STK32B: variants seen among roughly 807,000 people sequenced by gnomAD.
The protein encoded by STK32B is serine/threonine kinase 32B.
STK32B carries 43 observed loss-of-function variants against 52.6 expected under a neutral mutation model. The observed-to-expected ratio is 0.82, with a 90% CI of 0.64 to 1.05. The LOEUF is 1.05. STK32B is among the 50% of genes least tolerant of loss of function. The pLI, the probability that STK32B is intolerant of heterozygous loss-of-function variation, is 0.00. For synonymous variants in STK32B, 238 were observed against 204.3 expected (o/e 1.17, Z -1.41); for missense variants, 621 against 534.6 (o/e 1.16, Z -1.59).
intron 11 of STK32B, among the ~76,000 whole-genome samples, chr4:5,496,990 A>AAAAG (rs1678419052): frequency 6.6e-6 from 1 of 152,202 alleles, no homozygotes; most frequent in South Asian, 2.1e-4. Context: ...CTCTGGAGAG[A>AAAAG]AAAGAGTTTC....
intron 3 of STK32B, among the ~76,000 whole-genome samples, chr4:5,305,481 T>G (rs1039295186): frequency 2.0e-5 from 3 of 152,132 alleles, no homozygotes; most frequent in African/African-American, 7.2e-5. Context: ...TTTTCTAGTT[T>G]ATGTGTGTAA....
chr4:5,193,694 C>T (rs1366773051), intron 3 of STK32B, among the ~76,000 whole-genome samples: 1 of 152,212 alleles, frequency 6.6e-6, no homozygotes. Context: ...GTTTTTATTT[C>T]CAGCCACATA....
chr4:5,445,738 GA>G (rs1178114315), intron 6 of STK32B, among the ~76,000 whole-genome samples: 3 of 152,146 alleles, frequency 2.0e-5, no homozygotes, highest in African/African-American at 7.2e-5. Flanking sequence ...AATGTTTTAT[GA>G]GCACCGCCTC....
At chr4:5,167,262 C>T (rs904936752) in intron 2 of STK32B, among the ~76,000 whole-genome samples, 30 of 152,202 alleles carry the variant, frequency 2.0e-4, no homozygotes, top group African/African-American at 7.2e-4. Flanking sequence ...AACCCCCACC[C>T]TGCCACTTGG....
intron 3 of STK32B, among the ~76,000 whole-genome samples, chr4:5,181,329 G>GACACACATAC (rs777338742): frequency 1.1e-3 from 146 of 138,120 alleles, no homozygotes; most frequent in Admixed American, 4.0e-3. Context: ...TGGAGAGTGA[G>GACACACATAC]ACACACACAC....
intron 3 of STK32B, among the ~76,000 whole-genome samples, chr4:5,301,360 A>G (rs998420703): frequency 2.0e-5 from 3 of 152,082 alleles, no homozygotes; most frequent in African/African-American, 7.2e-5. Context: ...TCTTCTCTGA[A>G]TGGTAAAATT....
At chr4:5,094,808 G>C (rs1484991597) in intron 1 of STK32B, among the ~76,000 whole-genome samples, 1 of 152,064 alleles carries the variant, frequency 6.6e-6, no homozygotes, top group Non-Finnish European at 1.5e-5. Context: ...ACTGTGTAGG[G>C]AGTCGGCGCC....
intron 3 of STK32B, among the ~76,000 whole-genome samples, chr4:5,316,593 A>G (rs1408918353): frequency 4.2e-5 from 1 of 23,634 alleles, no homozygotes; most frequent in Non-Finnish European, 6.0e-5. Context: ...TATAATATAT[A>G]TTACATATAT....
At chr4:5,160,982 G>A (rs1718396364) in intron 2 of STK32B, among the ~76,000 whole-genome samples, 1 of 152,190 alleles carries the variant, frequency 6.6e-6, no homozygotes, top group African/African-American at 2.4e-5. Context: ...AGGAGCAGAG[G>A]TCGCTGTGGG....
intron 11 of STK32B, among the ~76,000 whole-genome samples, chr4:5,482,468 G>C (rs575061988): frequency 6.6e-6 from 1 of 152,236 alleles, no homozygotes; most frequent in African/African-American, 2.4e-5. Flanking sequence ...TTGCTTATCA[G>C]CTTAAGGAGA....
the STK32B span, among the ~76,000 whole-genome samples, chr4:5,046,077 T>A: frequency 6.6e-6 from 1 of 152,064 alleles, no homozygotes; most frequent in Non-Finnish European, 1.5e-5. Context: ...GCAAAAAGAA[T>A]AAAGCTGGAG....
Position 5,456,904 on chromosome 4 carries a change from T to C in STK32B, c.764T>C (p.Met255Thr), listed in dbSNP as rs772843056. Residue 255 changes from methionine (M) to threonine (T), a missense_variant, in exon 8 of 12, where the codon ATG becomes ACG. Physicochemically the swap from Met to Thr is moderately conservative, Grantham distance 81. Transcript: ENST00000282908. ...VHYSSTWCKG[M>T]VALLRKLLTK... ...TACTCCTCCACGTGGTGCAAGGGGA[T>C]GGTGGCCCTGCTGAGGAAGGTAAGG... The C allele has an allele frequency of 1.3e-6, 2 of 1,571,180 alleles. No homozygotes were observed. Among genetic ancestry groups the C allele is most frequent in the South Asian group, 2.4e-5 (2 of 83,980 alleles).
intron 3 of STK32B, among the ~76,000 whole-genome samples, chr4:5,227,786 A>AT (rs1560240017): frequency 1.3e-5 from 2 of 152,202 alleles, no homozygotes; most frequent in African/African-American, 4.8e-5. Context: ...AAGGATGAAA[A>AT]TTCAGTAATT....
intron 1 of STK32B, among the ~76,000 whole-genome samples, chr4:5,129,486 T>G (rs1715615725): frequency 6.6e-6 from 1 of 152,250 alleles, no homozygotes; most frequent in African/African-American, 2.4e-5. Context: ...ATGAATAAAC[T>G]ATGTATTCTT....
intron 6 of STK32B, among the ~76,000 whole-genome samples, chr4:5,443,917 G>A (rs1362680946): frequency 1.3e-4 from 20 of 152,254 alleles, no homozygotes; most frequent in Admixed American, 1.3e-3. Context: ...CTGCTCGGTG[G>A]TCAGGGGTCA....
chr4:5,321,106 G>A (rs1731458254), intron 3 of STK32B, among the ~76,000 whole-genome samples: 1 of 152,110 alleles, frequency 6.6e-6, no homozygotes, highest in South Asian at 2.1e-4. Context: ...GGGGGTTGGA[G>A]CAAAGCTGAG....
chr4:5,293,578 A>G (rs139244338), intron 3 of STK32B, among the ~76,000 whole-genome samples: 20,849 of 152,100 alleles, frequency 0.14, 2,873 homozygotes, highest in African/African-American at 0.36. Context: ...TGGCCACATA[A>G]ATGTCTTCTT....
chr4:5,443,639 G>A (rs1405539832), intron 6 of STK32B, among the ~76,000 whole-genome samples: 1 of 152,274 alleles, frequency 6.6e-6, no homozygotes, highest in East Asian at 1.9e-4. Context: ...TTCCGTTGCT[G>A]GTGAGGAACT....
chr4:5,325,564 A>G (rs370707331), intron 3 of STK32B, among the ~76,000 whole-genome samples: 1 of 152,124 alleles, frequency 6.6e-6, no homozygotes, highest in South Asian at 2.1e-4. Flanking sequence ...TACATTTCAC[A>G]AGTCACCTGA....
Sources: gnomAD v4.1 joint callset for allele counts (sites outside exome capture counted in the v4.1 genomes callset) on GRCh38, gnomAD v4.1.1 for gene constraint, MANE v1.5 for transcripts, NCBI Gene and HGNC (gene_info 2026-07-23, HGNC 2026-07-21) for gene names.